The following CDK14 variants were observed in gnomAD, a reference collection of about 807,000 sequenced individuals.
The protein encoded by CDK14 is cyclin dependent kinase 14, also known as cyclin-dependent kinase 14.
CDK14 carries 34 observed loss-of-function variants against 60.7 expected under a neutral mutation model. The observed-to-expected ratio is 0.56, with a 90% CI of 0.43 to 0.75. CDK14 has a LOEUF of 0.75. Ranked by LOEUF, CDK14 falls within the 30% of genes least tolerant of loss-of-function variation. The pLI is 0.00. For missense variants in CDK14, 482 were observed against 564.1 expected (o/e 0.85, Z 1.47); for synonymous variants, 197 against 203.7 (o/e 0.97, Z 0.28).
intron 14 of CDK14, among the ~76,000 whole-genome samples, chr7:91,168,764 T>C (rs1410265500): frequency 6.6e-6 from 1 of 152,360 alleles, no homozygotes; most frequent in Admixed American, 6.5e-5. Flanking sequence ...ATTCATTTTT[T>C]ATTAACGGGT....
At chr7:90,992,430 T>C (rs1795565896) in intron 10 of CDK14, among the ~76,000 whole-genome samples, 1 of 152,224 alleles carries the variant, frequency 6.6e-6, no homozygotes, top group East Asian at 1.9e-4. Flanking sequence ...TACTCTGGGC[T>C]AAATAATCTT....
chr7:90,782,420 C>T (rs1276100027), intron 4 of CDK14, among the ~76,000 whole-genome samples: 1 of 152,106 alleles, frequency 6.6e-6, no homozygotes, highest in East Asian at 1.9e-4. Flanking sequence ...CCTTCTCCTG[C>T]CTAATTGCCC....
chr7:90,816,010 A>T (rs1027657064), intron 5 of CDK14, among the ~76,000 whole-genome samples: 1 of 152,058 alleles, frequency 6.6e-6, no homozygotes, highest in Non-Finnish European at 1.5e-5. Flanking sequence ...GGTGCAGCAA[A>T]CCACCATGGC....
At chr7:90,875,617 T>A (rs1385002759) in intron 6 of CDK14, among the ~76,000 whole-genome samples, 3 of 152,192 alleles carry the variant, frequency 2.0e-5, no homozygotes. Flanking sequence ...ACATCTTTAA[T>A]GTATTTACTT....
intron 6 of CDK14, among the ~76,000 whole-genome samples, chr7:90,864,380 A>G (rs1293676252): frequency 1.3e-5 from 2 of 152,140 alleles, no homozygotes; most frequent in Non-Finnish European, 2.9e-5. Context: ...TGTTTAATCC[A>G]TGATTTTTGA....
chr7:90,709,769 GC>G, intron 2 of CDK14: 3 of 1,397,972 alleles, frequency 2.1e-6, no homozygotes, highest in East Asian at 2.8e-5. Flanking sequence ...GGATTTCTGG[GC>G]TTTTTTTTTT....
chr7:90,942,398 T>C (rs1224743854), intron 8 of CDK14, among the ~76,000 whole-genome samples: 1 of 152,078 alleles, frequency 6.6e-6, no homozygotes, highest in East Asian at 1.9e-4. Flanking sequence ...TCTTGAGAAA[T>C]TTCACAAGAA....
chr7:90,960,943 T>C (rs1794586169), intron 9 of CDK14, among the ~76,000 whole-genome samples: 1 of 152,122 alleles, frequency 6.6e-6, no homozygotes. Flanking sequence ...ACAAACTGTA[T>C]TCTGAGCCCT....
chr7:90,709,882 C>T, intron 2 of CDK14: 1 of 1,323,118 alleles, frequency 7.6e-7, no homozygotes, highest in African/African-American at 1.5e-5. Context: ...TGAGCCTGGC[C>T]TGGTGCAAAC....
At chr7:91,147,607 A>G (rs1367850936) in intron 14 of CDK14, among the ~76,000 whole-genome samples, 1 of 152,182 alleles carries the variant, frequency 6.6e-6, no homozygotes, top group East Asian at 1.9e-4. Context: ...CATGTAAACC[A>G]TGTTGCCTTT....
intron 5 of CDK14, among the ~76,000 whole-genome samples, chr7:90,840,884 G>A (rs981158899): frequency 1.7e-5 from 2 of 120,480 alleles, no homozygotes; most frequent in African/African-American, 3.2e-5. Context: ...GAAATTCTGA[G>A]GGATTTTCTT....
intron 2 of CDK14, among the ~76,000 whole-genome samples, chr7:90,610,270 T>G (rs1799512093): frequency 6.6e-6 from 1 of 152,214 alleles, no homozygotes; most frequent in Non-Finnish European, 1.5e-5. Context: ...GATTTTGACC[T>G]GGCATCTTTT....
chr7:91,175,945 T>G (rs1801732761), intron 14 of CDK14, among the ~76,000 whole-genome samples: 1 of 151,624 alleles, frequency 6.6e-6, no homozygotes, highest in Non-Finnish European at 1.5e-5. Flanking sequence ...AACTCAGCTC[T>G]GCACCAAGCG....
intron 14 of CDK14, among the ~76,000 whole-genome samples, chr7:91,174,039 G>T (rs539013426): frequency 1.3e-5 from 2 of 152,140 alleles, no homozygotes; most frequent in Non-Finnish European, 2.9e-5. Context: ...AGTAACCTCC[G>T]CAGACTTAAA....
chr7:90,758,661 C>T (rs1277981543), intron 4 of CDK14, among the ~76,000 whole-genome samples: 1 of 152,058 alleles, frequency 6.6e-6, no homozygotes, highest in Non-Finnish European at 1.5e-5. Context: ...GAGGATTCTG[C>T]CCTCGGGAAA....
In CDK14 at chr7:91,008,137, A is replaced by AT. The variant is rs887985880; in HGVS notation, c.1041+23896_1041+23897insT. ...GTGCCGGGAGAAGGCCAAAAAAAAA[A>AT]AAAAAAAACAAACAAAAAAAAACAG... On this transcript the variant is annotated intron_variant, in intron 10 of 14. Coordinates refer to ENST00000380050, the MANE Select transcript of CDK14 (RefSeq NM_001287135.2). 6.3e-4 allele frequency among the ~76,000 whole-genome samples: 90 copies of AT among 143,666 alleles called. 5 individuals carry two copies. The highest frequency in any genetic ancestry group is 6.4e-4 in the Non-Finnish European group (42 of 65,622). The allele number at this position is 143,666 out of a possible 152,430, so 94.3% of individuals were successfully genotyped here.
At chr7:91,021,035 A>G (rs1251259947) in intron 10 of CDK14, among the ~76,000 whole-genome samples, 2 of 152,172 alleles carry the variant, frequency 1.3e-5, no homozygotes, top group African/African-American at 2.4e-5. Context: ...GATTCCCTAG[A>G]AGGCTTTCTC....
intron 5 of CDK14, 55 bp downstream of exon 5, chr7:90,790,707 AT>A: frequency 8.9e-7 from 1 of 1,128,698 alleles, no homozygotes; most frequent in Non-Finnish European, 1.3e-6. Flanking sequence ...CCCCGTAGCT[AT>A]TTTAATATTA....
At chr7:90,776,550 C>T (rs901043461) in intron 4 of CDK14, among the ~76,000 whole-genome samples, 11 of 152,118 alleles carry the variant, frequency 7.2e-5, no homozygotes, top group African/African-American at 2.7e-4. Context: ...TTAAAGTTCA[C>T]ACACACAGGG....
Sources: gnomAD v4.1 joint callset for allele counts (sites outside exome capture counted in the v4.1 genomes callset) on GRCh38, gnomAD v4.1.1 for gene constraint, MANE v1.5 for transcripts, NCBI Gene and HGNC (gene_info 2026-07-23, HGNC 2026-07-21) for gene names.